The following DPYSL2 variants were observed in gnomAD, a reference collection of about 807,000 sequenced individuals.
The protein encoded by DPYSL2 is dihydropyrimidinase like 2.
Under a neutral mutation model 69.9 loss-of-function variants are expected in DPYSL2, and 13 were observed. The observed-to-expected ratio is 0.19, with a 90% confidence interval of 0.12 to 0.30. DPYSL2 has a LOEUF of 0.30. DPYSL2 is among the 10% of genes least tolerant of loss of function. The pLI, the probability that DPYSL2 is intolerant of heterozygous loss-of-function variation, is 1.00. For missense variants in DPYSL2, 587 were observed against 918.9 expected (o/e 0.64, Z 4.67); for synonymous variants, 326 against 359.1 (o/e 0.91, Z 1.04).
chr8:26,643,945 T>C lies in DPYSL2; in HGVS notation c.1284-5T>C. The C allele has an allele frequency of 1.2e-6, 2 of 1,613,548 alleles. No individual in the cohort carries two copies. The highest frequency in any genetic ancestry group is 1.7e-6 in the Non-Finnish European group (2 of 1,179,660). ...GCAGCACCACGTTATGCATTTTCTT[T>C]GCAGTGGAGACCTCCAGGTCACGGG... On this transcript the variant is annotated splice_region_variant and splice_polypyrimidine_tract_variant and intron_variant, in intron 9 of 13. Coordinates refer to ENST00000521913, the MANE Select transcript of DPYSL2 (RefSeq NM_001197293.3). The surrounding 1 kb of genome is among the most constrained non-coding windows in gnomAD (Gnocchi z 6.5).
At chr8:26,538,996 T>C (rs2117620981) in intron 1 of DPYSL2, among the ~76,000 whole-genome samples, 1 of 152,168 alleles carries the variant, frequency 6.6e-6, no homozygotes. Context: ...CCTCCATCCC[T>C]CCCCCTTCTA....
intron 1 of DPYSL2, among the ~76,000 whole-genome samples, chr8:26,529,495 T>C (rs939649444): frequency 2.0e-5 from 3 of 151,982 alleles, no homozygotes; most frequent in Non-Finnish European, 4.4e-5. Context: ...TTTTTAATTT[T>C]TTGTAGAGAC....
rs374599797 is a variant in DPYSL2, at chr8:26,597,775, C to CTT, written c.628+13811_628+13812dup. ...AGGCAAGAGCCACCGCACCTGGCCT[C>CTT]TTTTTTTTTTTTTTTTTTTTGAGGG... On this transcript the variant is annotated intron_variant, in intron 3 of 13. Coordinates refer to ENST00000521913, the MANE Select transcript of DPYSL2 (RefSeq NM_001197293.3). The surrounding 1 kb of genome is among the most constrained non-coding windows in gnomAD (Gnocchi z 5.2). 2.0e-4 allele frequency among the ~76,000 whole-genome samples: 25 copies of CTT among 127,148 alleles called. No individual in the cohort carries two copies. Among genetic ancestry groups the CTT allele is most frequent in the South Asian group, 2.6e-4 (1 of 3,860 alleles). 83.4% of individuals were successfully genotyped at this position (127,148 alleles called of 152,430 possible). A position where few individuals can be genotyped will look rare whatever the true frequency, so the allele number is the denominator to read the frequency against.
intron 1 of DPYSL2, among the ~76,000 whole-genome samples, chr8:26,568,448 C>T (rs1233236707): frequency 6.6e-6 from 1 of 152,194 alleles, no homozygotes; most frequent in Non-Finnish European, 1.5e-5. Flanking sequence ...AATAAATTCT[C>T]ACTCCTTGAA....
intron 1 of DPYSL2, among the ~76,000 whole-genome samples, chr8:26,518,883 T>A (rs111633248): frequency 5.1e-4 from 78 of 152,308 alleles, no homozygotes; most frequent in African/African-American, 1.9e-3. Context: ...CTGCAATAAT[T>A]AATTGTGGCA....
intron 1 of DPYSL2, among the ~76,000 whole-genome samples, chr8:26,531,293 T>C (rs1800507736): frequency 6.6e-6 from 1 of 151,926 alleles, no homozygotes; most frequent in African/African-American, 2.4e-5. Flanking sequence ...TTAATCCCTG[T>C]GGAAGGGCAG....
chr8:26,555,983 A>AGTATATATAAATATATAGTATATATT lies in DPYSL2; in HGVS notation c.355-25985_355-25960dup, dbSNP rs1446997380. Among the ~76,000 whole-genome samples, 20 of 115,166 alleles carry AGTATATATAAATATATAGTATATATT rather than the reference A, an allele frequency of 1.7e-4. No individual in the cohort carries two copies. The East Asian group carries it at 4.5e-3, about 26-fold the overall frequency. The allele number at this position is 115,166 out of a possible 152,430, so 75.6% of individuals were successfully genotyped here. A position where few individuals can be genotyped will look rare whatever the true frequency, so the allele number is the denominator to read the frequency against. On this transcript the variant is annotated intron_variant, in intron 1 of 13. Coordinates refer to ENST00000521913, the MANE Select transcript of DPYSL2 (RefSeq NM_001197293.3). The stretch of plus-strand genomic sequence containing the variant: ...ATTATATATTATATATAGTATATAT[A>AGTATATATAAATATATAGTATATATT]GTATATATAAATATATAGTATATAT...
Position 26,643,654 on chromosome 8 carries a change from C to G in DPYSL2, c.1283+59C>G. On this transcript the variant is annotated intron_variant, in intron 9 of 13. Coordinates refer to ENST00000521913, the MANE Select transcript of DPYSL2 (RefSeq NM_001197293.3). The surrounding 1 kb of genome is among the most constrained non-coding windows in gnomAD (Gnocchi z 6.5). ...CTGTCTTTCTTCAGACCAGACTGAC[C>G]TGTTAGGCGAAAACAACATGGTGGC... 6.2e-7 allele frequency: 1 copy of G among 1,610,764 alleles called. No individual in the cohort carries two copies. The highest frequency in any genetic ancestry group is 8.5e-7 in the Non-Finnish European group (1 of 1,177,502).
chr8:26,556,176 G>GTATA lies in DPYSL2; in HGVS notation c.355-25790_355-25787dup, dbSNP rs71907795. Among the ~76,000 whole-genome samples the GTATA allele has an allele frequency of 4.1e-3, 14 of 3,382 alleles. 2 individuals carry two copies. Among genetic ancestry groups the GTATA allele is most frequent in the Admixed American group, 0.013 (1 of 80 alleles). 2.2% of individuals were successfully genotyped at this position (3,382 alleles called of 152,430 possible). ...CTATATATAGTATATACTATATATA[G>GTATA]TATATACTATATATATTATATATAC... On this transcript the variant is annotated intron_variant, in intron 1 of 13. Transcript: ENST00000521913.
At chr8:26,630,655 C>A (rs1179550963) in intron 7 of DPYSL2, among the ~76,000 whole-genome samples, 1 of 152,172 alleles carries the variant, frequency 6.6e-6, no homozygotes, top group Non-Finnish European at 1.5e-5. Context: ...TCAGGGAGCA[C>A]CATTTACATT....
At chr8:26,522,045 T>C (rs922041898) in intron 1 of DPYSL2, among the ~76,000 whole-genome samples, 2 of 152,232 alleles carry the variant, frequency 1.3e-5, no homozygotes, top group Non-Finnish European at 2.9e-5. Flanking sequence ...CAGTGGCTCA[T>C]GCCTGTAATC....
rs1011650557 is a variant in DPYSL2 at position 26,647,548 on chromosome 8, T to A, written c.1426-82T>A. ...ACATCCATCTAAGCTGTCGTGTGTA[T>A]CAATAGTTTGTTATTGAAAAGTAAC... On this transcript the variant is annotated intron_variant, in intron 10 of 13. Coordinates refer to ENST00000521913, the MANE Select transcript of DPYSL2 (RefSeq NM_001197293.3). This position sits in a 1 kb window ranked among gnomAD's most constrained non-coding sequence, Gnocchi z 5.1. The A allele has an allele frequency of 1.1e-5, 16 of 1,435,374 alleles. No homozygotes were observed. The East Asian group carries it at 3.2e-4, about 29-fold the overall frequency. The allele number at this position is 1,435,374 out of a possible 1,614,324, so 88.9% of individuals were successfully genotyped here.
intron 1 of DPYSL2, among the ~76,000 whole-genome samples, chr8:26,540,143 C>T (rs560333944): frequency 4.6e-5 from 7 of 151,978 alleles, no homozygotes; most frequent in East Asian, 1.9e-4. Flanking sequence ...AATGCACAAA[C>T]ATAATGGGAA....
At chr8:26,535,299 A>C (rs192165885) in intron 1 of DPYSL2, among the ~76,000 whole-genome samples, 67 of 152,244 alleles carry the variant, frequency 4.4e-4, no homozygotes, top group Non-Finnish European at 8.8e-4. Context: ...CAAAGGCCCT[A>C]CCTCCAGATA....
chr8:26,613,056 ACG>A, intron 3 of DPYSL2, among the ~76,000 whole-genome samples: 1 of 152,250 alleles, frequency 6.6e-6, no homozygotes, highest in Non-Finnish European at 1.5e-5. Flanking sequence ...ATAAATGCAA[ACG>A]TGTAGGAAAT....
At chr8:26,542,118 T>G (rs1005675927) in intron 1 of DPYSL2, among the ~76,000 whole-genome samples, 1 of 152,036 alleles carries the variant, frequency 6.6e-6, no homozygotes, top group Non-Finnish European at 1.5e-5. Context: ...AAACCCCATA[T>G]CTACAAAAAA....
rs995327579 is a variant in DPYSL2 at position 26,586,477 on chromosome 8, C to G, written c.628+2494C>G. ...GCCCACCATCTCCTGTCCTGCATTC[C>G]TGGGTCTGCCTCTTCCCTCCACACG... is the stretch of plus-strand genomic sequence containing the variant. On this transcript the variant is annotated intron_variant, in intron 3 of 13. Coordinates refer to ENST00000521913, the MANE Select transcript of DPYSL2 (RefSeq NM_001197293.3). The surrounding 1 kb of genome is among the most constrained non-coding windows in gnomAD (Gnocchi z 4.7). 6.6e-6 allele frequency among the ~76,000 whole-genome samples: 1 copy of G among 152,192 alleles called. No individual in the cohort carries two copies. The highest frequency in any genetic ancestry group is 6.5e-5 in the Admixed American group (1 of 15,280).
intron 3 of DPYSL2, among the ~76,000 whole-genome samples, chr8:26,596,674 G>T (rs1443892498): frequency 6.6e-6 from 1 of 152,210 alleles, no homozygotes; most frequent in South Asian, 2.1e-4. Flanking sequence ...AGATAGATAG[G>T]CTTATCCTCC....
intron 1 of DPYSL2, among the ~76,000 whole-genome samples, chr8:26,576,253 TAAGGTGGTG>T (rs1801341820): frequency 6.6e-6 from 1 of 152,144 alleles, no homozygotes. Flanking sequence ...CTAAAGTGGC[TAAGGTGGTG>T]AAGGGCAGAA....
Sources: allele counts gnomAD v4.1 joint callset (sites outside exome capture counted in the v4.1 genomes callset), GRCh38; gene constraint gnomAD v4.1.1; non-coding constraint Gnocchi (gnomAD v3.1); transcripts MANE v1.5; gene names NCBI Gene and HGNC (gene_info 2026-07-23, HGNC 2026-07-21).